The following ENTREP2 variants were observed in gnomAD, a reference collection of about 807,000 sequenced individuals.
ENTREP2 encodes protein ENTREP2.
At chr15:29,133,505 C>T in the ENTREP2 span, among the ~76,000 whole-genome samples, 1 of 152,188 alleles carries the variant, frequency 6.6e-6, no homozygotes, top group Non-Finnish European at 1.5e-5. Flanking sequence ...TGTGGTCCAG[C>T]CCTGCCCTCC....
chr15:29,657,365 G>A, the ENTREP2 span, among the ~76,000 whole-genome samples: 13 of 149,410 alleles, frequency 8.7e-5, no homozygotes, highest in African/African-American at 3.0e-4. Flanking sequence ...CAGTGTTACA[G>A]TTCTTACAAA....
chr15:29,484,508 A>G, the ENTREP2 span, among the ~76,000 whole-genome samples: 1 of 152,170 alleles, frequency 6.6e-6, no homozygotes, highest in Non-Finnish European at 1.5e-5. Context: ...AAACACAAAC[A>G]CTACCAACAG....
the ENTREP2 span, among the ~76,000 whole-genome samples, chr15:29,355,506 A>T: frequency 3.3e-5 from 3 of 91,630 alleles, no homozygotes; most frequent in Non-Finnish European, 5.6e-5. Flanking sequence ...TGATACAAAT[A>T]AAAAAAAAAA....
chr15:29,219,610 CATAAAT>C, the ENTREP2 span, among the ~76,000 whole-genome samples: 8 of 97,994 alleles, frequency 8.2e-5, no homozygotes, highest in African/African-American at 3.5e-4. Context: ...AACTGTGGTG[CATAAAT>C]ATATATATAT....
At chr15:29,511,474 G>T in the ENTREP2 span, among the ~76,000 whole-genome samples, 1 of 151,662 alleles carries the variant, frequency 6.6e-6, no homozygotes, top group Non-Finnish European at 1.5e-5. Flanking sequence ...GATTACAGGC[G>T]TGTGCCACCA....
At chr15:29,534,106 CAAAAAAAA>C in the ENTREP2 span, among the ~76,000 whole-genome samples, 39 of 44,936 alleles carry the variant, frequency 8.7e-4, no homozygotes, top group African/African-American at 3.1e-3. Flanking sequence ...GCCCCTTGGC[CAAAAAAAA>C]AAAAAAAAAA....
At chr15:29,429,719 G>T in the ENTREP2 span, among the ~76,000 whole-genome samples, 1 of 152,214 alleles carries the variant, frequency 6.6e-6, no homozygotes, top group Non-Finnish European at 1.5e-5. Context: ...GGACAGCCAT[G>T]AGCTGAAACT....
chr15:29,220,266 T>A, the ENTREP2 span, among the ~76,000 whole-genome samples: 17 of 152,202 alleles, frequency 1.1e-4, no homozygotes, highest in Admixed American at 2.0e-4. Flanking sequence ...TAGTTTTCAT[T>A]TAGCGCATGT....
the ENTREP2 span, chr15:29,376,551 AACAC>A: frequency 0.05 from 7,385 of 147,106 alleles, 261 homozygotes; most frequent in African/African-American, 0.097. Context: ...CACTATGGTA[AACAC>A]ACACACACAC....
At chr15:29,533,843 C>T in the ENTREP2 span, among the ~76,000 whole-genome samples, 98 of 152,194 alleles carry the variant, frequency 6.4e-4, no homozygotes, top group Non-Finnish European at 1.2e-3. Context: ...AAGGGAAATA[C>T]CACTCATGCC....
chr15:29,549,252 C>A, the ENTREP2 span, among the ~76,000 whole-genome samples: 10 of 151,276 alleles, frequency 6.6e-5, no homozygotes, highest in Non-Finnish European at 1.5e-4. Context: ...CGATTAAAAT[C>A]TGCAAAACTA....
the ENTREP2 span, among the ~76,000 whole-genome samples, chr15:29,369,102 C>T: frequency 6.6e-6 from 1 of 151,748 alleles, no homozygotes; most frequent in East Asian, 1.9e-4. Context: ...TAAAGTGTAC[C>T]AAAGTGCATG....
chr15:29,442,617 C>T, the ENTREP2 span, among the ~76,000 whole-genome samples: 3 of 152,190 alleles, frequency 2.0e-5, no homozygotes, highest in African/African-American at 7.2e-5. Flanking sequence ...CAAATCAGGG[C>T]ATGCTGTCAC....
the ENTREP2 span, among the ~76,000 whole-genome samples, chr15:29,538,638 CAAA>C: frequency 3.8e-3 from 303 of 78,996 alleles, no homozygotes; most frequent in African/African-American, 0.011. Flanking sequence ...ACTAAAAATA[CAAA>C]AAAAAAAAAA....
the ENTREP2 span, among the ~76,000 whole-genome samples, chr15:29,253,677 A>G: frequency 1.3e-5 from 2 of 152,006 alleles, no homozygotes; most frequent in East Asian, 1.9e-4. Context: ...TCTTGACCTC[A>G]TGATCTGCCC....
At chr15:29,603,420 T>G in the ENTREP2 span, among the ~76,000 whole-genome samples, 1 of 151,814 alleles carries the variant, frequency 6.6e-6, no homozygotes, top group African/African-American at 2.4e-5. Flanking sequence ...TCTGGAGGAG[T>G]CTGCCTCTTG....
chr15:29,227,340 G>C, the ENTREP2 span, among the ~76,000 whole-genome samples: 1 of 152,214 alleles, frequency 6.6e-6, no homozygotes, highest in Admixed American at 6.5e-5. Context: ...CCAGAAATCT[G>C]AAACACGTTT....
the ENTREP2 span, among the ~76,000 whole-genome samples, chr15:29,388,687 C>T: frequency 0.021 from 3,179 of 152,184 alleles, 112 homozygotes; most frequent in African/African-American, 0.072. Context: ...CAGCACTATT[C>T]ACAATAGCAA....
chr15:29,619,587 C>A, the ENTREP2 span, among the ~76,000 whole-genome samples: 1 of 152,014 alleles, frequency 6.6e-6, no homozygotes, highest in Admixed American at 6.5e-5. Context: ...TCTAGAGGGA[C>A]AGACACAGTA....
Sources: allele counts gnomAD v4.1 joint callset (sites outside exome capture counted in the v4.1 genomes callset), GRCh38; gene constraint gnomAD v4.1.1; transcripts MANE v1.5; gene names NCBI Gene and HGNC (gene_info 2026-07-23, HGNC 2026-07-21).